Variants in ARID1B observed in about 807,000 individuals in gnomAD.
ARID1B encodes AT-rich interactive domain-containing protein 1B.
A neutral mutation model predicts 212.3 loss-of-function variants in ARID1B; 30 were observed. The observed-to-expected ratio is 0.14, with a 90% CI of 0.11 to 0.19. ARID1B has a LOEUF of 0.19. ARID1B is among the 10% of genes least tolerant of loss of function. The pLI, the probability that ARID1B is intolerant of heterozygous loss-of-function variation, is 1.00. For missense variants in ARID1B, 2,891 were observed against 3,204.0 expected (o/e 0.90, Z 2.36); for synonymous variants, 1,402 against 1,301.7 (o/e 1.08, Z -1.66).
chr6:156,893,104 G>A (rs928229028), intron 2 of ARID1B, among the ~76,000 whole-genome samples: 2 of 137,422 alleles, frequency 1.5e-5, no homozygotes, highest in Non-Finnish European at 3.0e-5. Context: ...GTGCAGTGGT[G>A]CAATCTTGGC....
chr6:156,828,444 G>C (rs568191273), intron 1 of ARID1B, among the ~76,000 whole-genome samples: 1 of 152,278 alleles, frequency 6.6e-6, no homozygotes, highest in Non-Finnish European at 1.5e-5. Context: ...CTGTAGCACC[G>C]GGTGAGGGCC....
intron 2 of ARID1B, among the ~76,000 whole-genome samples, chr6:156,842,831 GAGGTAAGTAATACTACTCAC>G (rs1193119117): frequency 2.0e-5 from 3 of 152,188 alleles, no homozygotes; most frequent in Non-Finnish European, 4.4e-5. Context: ...CCAAATCCAT[GAGGTAAGTAATACTACTCAC>G]TTTGCCAGTG....
intron 12 of ARID1B, among the ~76,000 whole-genome samples, chr6:157,182,103 G>C (rs1387814464): frequency 6.6e-6 from 1 of 152,046 alleles, no homozygotes; most frequent in East Asian, 1.9e-4. Flanking sequence ...ACAAAACTTA[G>C]CCGGGCGTGG....
intron 3 of ARID1B, among the ~76,000 whole-genome samples, chr6:156,913,021 CT>C (rs112512329): frequency 0.22 from 30,257 of 136,472 alleles, 3,265 homozygotes; most frequent in African/African-American, 0.27. Flanking sequence ...TTCATACTTT[CT>C]TTTTTTTTTT....
At chr6:156,973,765 G>A (rs1178420525) in intron 4 of ARID1B, among the ~76,000 whole-genome samples, 1 of 151,992 alleles carries the variant, frequency 6.6e-6, no homozygotes, top group Non-Finnish European at 1.5e-5. Context: ...CTTATTTTTG[G>A]TTCAGTTTGA....
At chr6:157,045,986 A>G (rs958358847) in intron 4 of ARID1B, among the ~76,000 whole-genome samples, 2 of 152,186 alleles carry the variant, frequency 1.3e-5, no homozygotes, top group Non-Finnish European at 2.9e-5. Context: ...CCAGGAATCC[A>G]TATTGAGCTC....
intron 10 of ARID1B, 30 bp from the exon 11 acceptor site, chr6:157,174,817 A>ATT (rs372586664): frequency 2.0e-4 from 261 of 1,280,102 alleles, no homozygotes; most frequent in South Asian, 8.0e-4. Flanking sequence ...TACCTTTGTC[A>ATT]TTTTTTTTTT....
rs968611568 is a variant in ARID1B at position 156,835,252 on chromosome 6, A to G, written c.1986+5831A>G. ...GAGACTCTGTCACAAAAAAAAAAAAAAAAAGAAAATATTTTTGAAAAGATT... is the reference window on the plus strand; with the variant it reads ...GAGACTCTGTCACAAAAAAAAAAAAGAAAAGAAAATATTTTTGAAAAGATT... On this transcript the variant is annotated intron_variant, in intron 2 of 19. Transcript: ENST00000636930. 3.7e-3 allele frequency among the ~76,000 whole-genome samples: 566 copies of G among 151,998 alleles called. 3 individuals are homozygous for G. Among genetic ancestry groups the G allele is most frequent in the African/African-American group, 0.013 (528 of 41,484 alleles).
intron 3 of ARID1B, among the ~76,000 whole-genome samples, chr6:156,929,502 G>A (rs1263057115): frequency 6.6e-6 from 1 of 152,108 alleles, no homozygotes; most frequent in East Asian, 1.9e-4. Context: ...TCCCTTTTAC[G>A]ATTTGGAATT....
At chr6:157,198,015 A>G (rs141164136) in intron 16 of ARID1B, among the ~76,000 whole-genome samples, 1 of 152,316 alleles carries the variant, frequency 6.6e-6, no homozygotes, top group Non-Finnish European at 1.5e-5. Context: ...TATTCAGTCC[A>G]TTGTTCCCTT....
chr6:157,152,709 T>G (rs1790292691), intron 8 of ARID1B, among the ~76,000 whole-genome samples: 1 of 152,238 alleles, frequency 6.6e-6, no homozygotes. Context: ...ATGCTTTTGC[T>G]TTACTTATTT....
rs115658365 is a variant in ARID1B, at chr6:157,019,996, G to A, written c.2248-64666G>A. On this transcript the variant is annotated intron_variant, in intron 4 of 19. Coordinates refer to ENST00000636930, the MANE Select transcript of ARID1B (RefSeq NM_001374828.1). ...ATCTTAAGTCCTTTAGGGTTTTTTC[G>A]CCCCCTGCCTTTCTCTTTTAGCAAA... Among the ~76,000 whole-genome samples, 846 of 152,010 alleles carry A rather than the reference G, an allele frequency of 5.6e-3. 7 individuals are homozygous for A. The highest frequency in any genetic ancestry group is 0.02 in the African/African-American group (816 of 41,460).
intron 1 of ARID1B, among the ~76,000 whole-genome samples, chr6:156,793,052 G>A (rs758371839): frequency 1.6e-4 from 25 of 152,202 alleles, no homozygotes; most frequent in Non-Finnish European, 3.2e-4. Flanking sequence ...CATAAGGAGC[G>A]CTAATCCAGT....
intron 6 of ARID1B, among the ~76,000 whole-genome samples, chr6:157,129,178 A>G (rs963365866): frequency 1.3e-5 from 2 of 152,342 alleles, no homozygotes; most frequent in African/African-American, 4.8e-5. Context: ...ACACTTTGAC[A>G]TATTATCTCA....
At chr6:157,128,694 C>G (rs1401324628) in intron 6 of ARID1B, among the ~76,000 whole-genome samples, 1 of 152,146 alleles carries the variant, frequency 6.6e-6, no homozygotes, top group Non-Finnish European at 1.5e-5. Context: ...AGATGAAATA[C>G]TTCATATTCA....
In ARID1B at chr6:156,778,730, C is replaced by T. The variant is rs1427486364; in HGVS notation, c.1050C>T (p.His350=). 1 of 1,524,558 alleles carries T rather than the reference C, an allele frequency of 6.6e-7. No homozygotes were observed. Among genetic ancestry groups the T allele is most frequent in the East Asian group, 2.6e-5 (1 of 37,854 alleles). 94.4% of individuals were successfully genotyped at this position (1,524,558 alleles called of 1,614,324 possible). Residue 350 remains histidine (H), a synonymous_variant, in exon 1 of 20, where the codon CAC becomes CAT. Coordinates refer to ENST00000636930, the MANE Select transcript of ARID1B (RefSeq NM_001374828.1). ...AAAGCCCCGGGATGGGGATGATGCA[C>T]TCCGCCTCCGCCGCCGCCGCCGGGG... ...GQQSPGMGMM[H]SASAAAAGAP...
In ARID1B at chr6:157,207,355, C is replaced by T. The variant is rs1397070820; in HGVS notation, c.6583C>T (p.Pro2195Ser). 6.2e-7 allele frequency: 1 copy of T among 1,614,074 alleles called. No individual in the cohort carries two copies. ...ACAAGATCCCTTTCCAACTGTGGGA[C>T]CCAACTCGGTCCTGTCGCCTCAGAG... ...EAQDPFPTVG[P>S]NSVLSPQRLV... The change falls in exon 20 of 20, where the codon CCC becomes TCC. Residue 2195 changes from proline to serine, a missense_variant. This residue lies in a region of ARID1B where 187 missense variants were observed against 306.5 expected (regional missense o/e 0.61). Transcript: ENST00000636930. The surrounding 1 kb of genome is among the most constrained non-coding windows in gnomAD (Gnocchi z 8.5).
intron 4 of ARID1B, among the ~76,000 whole-genome samples, chr6:157,061,125 AAAGTTT>A (rs1783316419): frequency 6.6e-6 from 1 of 152,152 alleles, no homozygotes; most frequent in Non-Finnish European, 1.5e-5. Flanking sequence ...TTTTCCTGTC[AAAGTTT>A]AATTCCTTCT....
At chr6:156,904,048 G>A (rs981532900) in intron 3 of ARID1B, among the ~76,000 whole-genome samples, 5 of 152,172 alleles carry the variant, frequency 3.3e-5, no homozygotes, top group Non-Finnish European at 5.9e-5. Context: ...AAGGGATTCC[G>A]AGAAAAGTCT....
Sources: gnomAD v4.1 joint callset for allele counts (sites outside exome capture counted in the v4.1 genomes callset) on GRCh38, gnomAD v4.1.1 for gene constraint, gnomAD v4.1.1 regional missense constraint, Gnocchi (gnomAD v3.1) non-coding constraint, MANE v1.5 for transcripts, NCBI Gene and HGNC (gene_info 2026-07-23, HGNC 2026-07-21) for gene names.